DPP10: variants seen among roughly 807,000 people sequenced by gnomAD.
DPP10 encodes dipeptidyl peptidase like 10, also known as inactive dipeptidyl peptidase 10.
A neutral mutation model predicts 120.9 loss-of-function variants in DPP10; 33 were observed. That is an observed-to-expected ratio of 0.27 (90% CI 0.21 to 0.37). DPP10 has a LOEUF of 0.37. Ranked by LOEUF, DPP10 falls within the 10% of genes least tolerant of loss-of-function variation. DPP10 has a pLI of 1.00. For synonymous variants in DPP10, 337 were observed against 326.1 expected (o/e 1.03, Z -0.36); for missense variants, 816 against 942.8 (o/e 0.87, Z 1.76).
intron 7 of DPP10, among the ~76,000 whole-genome samples, chr2:115,701,977 G>C (rs1276773291): frequency 6.6e-6 from 1 of 152,048 alleles, no homozygotes; most frequent in Non-Finnish European, 1.5e-5. Context: ...GCAGTAAGTA[G>C]CAAAGTGTAA....
chr2:115,748,995 A>G (rs1437388229), intron 10 of DPP10, among the ~76,000 whole-genome samples: 3 of 152,178 alleles, frequency 2.0e-5, no homozygotes, highest in Non-Finnish European at 4.4e-5. Flanking sequence ...CTTTACCTGA[A>G]TCACAGTCTG....
At chr2:114,665,163 T>C (rs1394971938) in intron 1 of DPP10, among the ~76,000 whole-genome samples, 1 of 152,202 alleles carries the variant, frequency 6.6e-6, no homozygotes, top group Non-Finnish European at 1.5e-5. Context: ...AAAAGTATAT[T>C]TGAATGTTGC....
In DPP10 at chr2:114,660,253, T is replaced by C. The variant is rs536843402; in HGVS notation, c.60+217415T>C. Among the ~76,000 whole-genome samples the C allele has an allele frequency of 2.0e-5, 3 of 152,336 alleles. 1 individual carries two copies. The South Asian group carries it at 6.2e-4, about 32-fold the overall frequency. On this transcript the variant is annotated intron_variant, in intron 1 of 25. Coordinates refer to ENST00000410059, the MANE Select transcript of DPP10 (RefSeq NM_020868.6). ...ACATTAAGAGCCTTTGTAACAAATATGCTTAATATTTACAGGATGCATATA... is the reference window on the plus strand; with the variant it reads ...ACATTAAGAGCCTTTGTAACAAATACGCTTAATATTTACAGGATGCATATA...
At chr2:115,817,453 T>TA (rs1187002567) in intron 21 of DPP10, among the ~76,000 whole-genome samples, 3 of 152,186 alleles carry the variant, frequency 2.0e-5, no homozygotes, top group South Asian at 2.1e-4. Flanking sequence ...GGTGGGTGTA[T>TA]AAAAAACCAC....
chr2:115,516,443 G>A (rs1033730074), intron 4 of DPP10, among the ~76,000 whole-genome samples: 3 of 151,114 alleles, frequency 2.0e-5, no homozygotes, highest in African/African-American at 7.3e-5. Flanking sequence ...AAAGGATACT[G>A]ACAAATAAAC....
chr2:114,950,651 A>G (rs900338714), intron 1 of DPP10, among the ~76,000 whole-genome samples: 1 of 151,650 alleles, frequency 6.6e-6, no homozygotes, highest in African/African-American at 2.4e-5. Context: ...TTCTATCTTC[A>G]CAGTGTACTT....
At chr2:115,230,030 T>C (rs1026401949) in intron 1 of DPP10, among the ~76,000 whole-genome samples, 4 of 151,964 alleles carry the variant, frequency 2.6e-5, no homozygotes, top group Non-Finnish European at 1.5e-5. Context: ...ATTTTAACAA[T>C]ATTGATTCTT....
chr2:115,334,116 A>G (rs1001280392), intron 2 of DPP10, among the ~76,000 whole-genome samples: 20 of 150,664 alleles, frequency 1.3e-4, no homozygotes, highest in African/African-American at 4.0e-4. Context: ...AAGGCAGGCT[A>G]ACATTCAAAT....
At chr2:114,674,581 A>C (rs866039730) in intron 1 of DPP10, among the ~76,000 whole-genome samples, 3 of 152,224 alleles carry the variant, frequency 2.0e-5, no homozygotes, top group Admixed American at 2.0e-4. Flanking sequence ...TGTAGCTTTT[A>C]AACTTTGTCA....
At position 115,046,332 on chromosome 2, in the gene DPP10, T is replaced by C. The variant is rs17043934; in HGVS notation, c.61-262907T>C. On this transcript the variant is annotated intron_variant, in intron 1 of 25. Transcript: ENST00000410059. The stretch of plus-strand genomic sequence containing the variant: ...TAATTCTTGTTTAGTGAATCAAAGA[T>C]CTCCACTCAAAATCACACCATTTGA... Among the ~76,000 whole-genome samples, 171 of 152,300 alleles carry C rather than the reference T, an allele frequency of 1.1e-3. 2 individuals carry two copies. The East Asian group carries it at 0.029, about 26-fold the overall frequency.
intron 3 of DPP10, among the ~76,000 whole-genome samples, chr2:115,445,533 G>A (rs762687778): frequency 6.6e-6 from 1 of 152,190 alleles, no homozygotes; most frequent in Non-Finnish European, 1.5e-5. Flanking sequence ...AACTGGGGCA[G>A]AGGTCACTCT....
chr2:114,544,930 C>A (rs1687255456), intron 1 of DPP10, among the ~76,000 whole-genome samples: 1 of 152,004 alleles, frequency 6.6e-6, no homozygotes, highest in African/African-American at 2.4e-5. Flanking sequence ...TGGCTCACTG[C>A]AACCTCCGCC....
intron 1 of DPP10, among the ~76,000 whole-genome samples, chr2:114,592,320 A>G (rs935348429): frequency 3.3e-5 from 5 of 152,136 alleles, no homozygotes; most frequent in African/African-American, 1.2e-4. Context: ...TTTGATGGTA[A>G]ACTTTTCCCT....
Position 115,842,480 on chromosome 2 carries a change from C to T in DPP10, c.*135C>T. On this transcript the variant is annotated 3_prime_UTR_variant, in exon 26 of 26. Coordinates refer to ENST00000410059, the MANE Select transcript of DPP10 (RefSeq NM_020868.6). ...GTCACTGGAGCAGCACGCTCAGAGA[C>T]AGTGAACTAGCATTTGAATACACAA... 9.8e-7 allele frequency: 1 copy of T among 1,018,344 alleles called. No individual in the cohort carries two copies. Among genetic ancestry groups the T allele is most frequent in the Non-Finnish European group, 1.4e-6 (1 of 732,020 alleles). The allele number at this position is 1,018,344 out of a possible 1,614,324, so 63.1% of individuals were successfully genotyped here. A position where few individuals can be genotyped will look rare whatever the true frequency, so the allele number is the denominator to read the frequency against.
At chr2:114,872,679 C>T (rs1464794848) in intron 1 of DPP10, among the ~76,000 whole-genome samples, 1 of 152,146 alleles carries the variant, frequency 6.6e-6, no homozygotes, top group Non-Finnish European at 1.5e-5. Context: ...ATGTACATCT[C>T]TTTTTTCCAC....
intron 5 of DPP10, among the ~76,000 whole-genome samples, chr2:115,561,065 C>T (rs561234905): frequency 1.1e-4 from 17 of 152,148 alleles, no homozygotes; most frequent in African/African-American, 3.9e-4. Context: ...ATCTCAAGGA[C>T]TGGCCAGGTG....
Position 114,455,729 on chromosome 2 carries a change from G to GTTT in DPP10, c.60+12904_60+12906dup, listed in dbSNP as rs35479026. On this transcript the variant is annotated intron_variant, in intron 1 of 25. Coordinates refer to ENST00000410059, the MANE Select transcript of DPP10 (RefSeq NM_020868.6). ...AAGTCTCATACCCACAAATTCATTT[G>GTTT]TTTTTTTTTTTTTTTACCATTTTCA... Among the ~76,000 whole-genome samples, 399 of 144,670 alleles carry GTTT rather than the reference G, an allele frequency of 2.8e-3. 4 individuals carry two copies. In the East Asian group the frequency reaches 0.039, roughly 14 times the overall value. The allele number at this position is 144,670 out of a possible 152,430, so 94.9% of individuals were successfully genotyped here. A position where few individuals can be genotyped will look rare whatever the true frequency, so the allele number is the denominator to read the frequency against.
At chr2:114,535,507 C>A (rs7608997) in intron 1 of DPP10, among the ~76,000 whole-genome samples, 32,663 of 151,950 alleles carry the variant, frequency 0.21, 3,922 homozygotes, top group East Asian at 0.51. Flanking sequence ...CCCATTGCAC[C>A]CCCAAATTAT....
At chr2:115,309,460 G>A (rs757082214) in intron 2 of DPP10, 107 bp downstream of exon 2, 31 of 990,760 alleles carry the variant, frequency 3.1e-5, no homozygotes, top group Non-Finnish European at 4.5e-5. Flanking sequence ...GGGCACATTA[G>A]CATGGGTTGG....
Sources: gnomAD v4.1 joint callset for allele counts (sites outside exome capture counted in the v4.1 genomes callset) on GRCh38, gnomAD v4.1.1 for gene constraint, MANE v1.5 for transcripts, NCBI Gene and HGNC (gene_info 2026-07-23, HGNC 2026-07-21) for gene names.